NOL4: variants seen among roughly 807,000 people sequenced by gnomAD.
NOL4 encodes the protein cancer/testis antigen 125.
Under a neutral mutation model 75.9 loss-of-function variants are expected in NOL4, and 17 were observed. The observed-to-expected ratio is 0.22, with a 90% CI of 0.15 to 0.34. NOL4 has a LOEUF of 0.34. NOL4 is among the 10% of genes least tolerant of loss of function. The probability of loss-of-function intolerance (pLI) is 1.00; values close to 1 mark genes in which losing one functional copy is unlikely to be tolerated. For missense variants in NOL4, 614 were observed against 793.5 expected (o/e 0.77, Z 2.72); for synonymous variants, 292 against 289.9 (o/e 1.01, Z -0.07).
intron 10 of NOL4, among the ~76,000 whole-genome samples, chr18:33,854,984 T>TACAA (rs2062776200): frequency 6.6e-6 from 1 of 152,038 alleles, no homozygotes; most frequent in Non-Finnish European, 1.5e-5. Flanking sequence ...AGCACAGGCA[T>TACAA]AGTCTAGAGA....
chr18:34,072,420 A>G (rs1278899700), intron 5 of NOL4, among the ~76,000 whole-genome samples: 1 of 123,628 alleles, frequency 8.1e-6, no homozygotes, highest in East Asian at 2.7e-4. Flanking sequence ...TTAAATGTGT[A>G]TATTATTAAT....
chr18:33,881,130 G>A (rs1165153626), intron 10 of NOL4, among the ~76,000 whole-genome samples: 8 of 151,528 alleles, frequency 5.3e-5, no homozygotes, highest in African/African-American at 1.7e-4. Flanking sequence ...TGAAGCAATT[G>A]TGAATGGGAG....
chr18:34,066,299 T>C (rs2077272936), intron 5 of NOL4, among the ~76,000 whole-genome samples: 1 of 151,986 alleles, frequency 6.6e-6, no homozygotes, highest in African/African-American at 2.4e-5. Context: ...ATCAAACAAC[T>C]CTCAAGAGAT....
chr18:33,943,181 A>T lies in NOL4; in HGVS notation c.1429-3T>A. The T allele has an allele frequency of 1.5e-6, 1 of 657,434 alleles. No individual in the cohort carries two copies. 40.7% of individuals were successfully genotyped at this position (657,434 alleles called of 1,614,324 possible). A position where few individuals can be genotyped will look rare whatever the true frequency, so the allele number is the denominator to read the frequency against. The stretch of plus-strand genomic sequence containing the variant: ...AGGTGGGAAGGAATAGGTCGAGACT[A>T]AAAAAAAAAAGAGAAAAGTATGAAA... On this transcript the variant is annotated splice_polypyrimidine_tract_variant and splice_region_variant and intron_variant, in intron 8 of 10. Transcript: ENST00000261592.
intron 5 of NOL4, among the ~76,000 whole-genome samples, chr18:34,024,051 CTGTG>C (rs1346340885): frequency 6.6e-6 from 1 of 150,894 alleles, no homozygotes; most frequent in African/African-American, 2.4e-5. Context: ...ATATGTGTAC[CTGTG>C]TGTGTATTTA....
chr18:33,862,037 A>G (rs1460769848), intron 10 of NOL4, among the ~76,000 whole-genome samples: 1 of 152,194 alleles, frequency 6.6e-6, no homozygotes, highest in Non-Finnish European at 1.5e-5. Flanking sequence ...AGGCTACAGT[A>G]ACCAAAACAG....
rs571410657 is a variant in NOL4 at position 34,188,463 on chromosome 18, A to G, written c.264+34527T>C. Among the ~76,000 whole-genome samples, 4 of 152,360 alleles carry G rather than the reference A, an allele frequency of 2.6e-5. No individual in the cohort carries two copies. In the East Asian group the frequency reaches 7.7e-4, roughly 29 times the overall value. On this transcript the variant is annotated intron_variant, in intron 1 of 10. Coordinates refer to ENST00000261592, the MANE Select transcript of NOL4 (RefSeq NM_003787.5). ...AGTTGAAAATATTATAGCAGACAAT[A>G]CAGTATTTAATACAGTACACCTAAC... is the stretch of plus-strand genomic sequence containing the variant.
At chr18:34,051,358 T>C (rs2076617156) in intron 5 of NOL4, among the ~76,000 whole-genome samples, 1 of 152,128 alleles carries the variant, frequency 6.6e-6, no homozygotes, top group African/African-American at 2.4e-5. Flanking sequence ...TTATTATTGG[T>C]TTATAAAATT....
chr18:34,185,207 G>A (rs902378847), intron 1 of NOL4, among the ~76,000 whole-genome samples: 27 of 152,174 alleles, frequency 1.8e-4, no homozygotes, highest in Middle Eastern at 3.2e-3. Flanking sequence ...CTGAGATTGT[G>A]CCCTACTTGC....
At chr18:34,103,999 C>A in intron 4 of NOL4, 48 bp downstream of exon 4, 1 of 1,277,570 alleles carries the variant, frequency 7.8e-7, no homozygotes, top group South Asian at 1.2e-5. Context: ...GGTTATCAAG[C>A]TTCGTTCCAA....
At chr18:34,081,752 A>G (rs1223293367) in intron 5 of NOL4, among the ~76,000 whole-genome samples, 1 of 152,194 alleles carries the variant, frequency 6.6e-6, no homozygotes, top group African/African-American at 2.4e-5. Flanking sequence ...GGGCAGCCAC[A>G]TTTTCCTATT....
chr18:33,905,262 G>A (rs1292270430), intron 9 of NOL4, among the ~76,000 whole-genome samples: 1 of 152,106 alleles, frequency 6.6e-6, no homozygotes, highest in Non-Finnish European at 1.5e-5. Context: ...TTTTGACCAG[G>A]AGGGGTCTTC....
chr18:33,906,323 TC>T lies in NOL4; in HGVS notation c.1543-22900del, dbSNP rs2066043673. On this transcript the variant is annotated intron_variant, in intron 9 of 10. Transcript: ENST00000261592. ...CTCTGGACTCCAACCCTTTCTTTTTTCCCCTTCCCTTAACATAAAACCAACC... is the reference window on the plus strand; with the variant it reads ...CTCTGGACTCCAACCCTTTCTTTTTTCCCTTCCCTTAACATAAAACCAACC... 2.0e-5 allele frequency among the ~76,000 whole-genome samples: 3 copies of T among 152,124 alleles called. No homozygotes were observed. In the South Asian group the frequency reaches 6.2e-4, roughly 32 times the overall value.
intron 6 of NOL4, among the ~76,000 whole-genome samples, chr18:33,966,773 A>G (rs147947407): frequency 7.4e-4 from 112 of 152,236 alleles, no homozygotes; most frequent in African/African-American, 2.6e-3. Flanking sequence ...TAGAATATAT[A>G]CAACCAATGA....
chr18:34,117,300 T>C (rs2079906461), intron 2 of NOL4, among the ~76,000 whole-genome samples: 1 of 152,212 alleles, frequency 6.6e-6, no homozygotes, highest in African/African-American at 2.4e-5. Flanking sequence ...AGGACTCACC[T>C]GCTATTGTGG....
intron 6 of NOL4, among the ~76,000 whole-genome samples, chr18:34,017,421 AC>A (rs2074762576): frequency 6.6e-6 from 1 of 152,054 alleles, no homozygotes; most frequent in Non-Finnish European, 1.5e-5. Flanking sequence ...TGAAATGATT[AC>A]TCCAGGTAAG....
At chr18:33,989,642 C>T (rs187469174) in intron 6 of NOL4, among the ~76,000 whole-genome samples, 44 of 152,042 alleles carry the variant, frequency 2.9e-4, no homozygotes, top group African/African-American at 9.9e-4. Flanking sequence ...TTATAGAGCA[C>T]GAAGCAGGTT....
chr18:33,995,728 G>C (rs2073234452), intron 6 of NOL4, among the ~76,000 whole-genome samples: 1 of 151,620 alleles, frequency 6.6e-6, no homozygotes, highest in South Asian at 2.1e-4. Flanking sequence ...ACATATTTTT[G>C]AGTTTGCAAA....
chr18:34,131,937 C>A lies in NOL4; in HGVS notation c.265-1917G>T, dbSNP rs2080671604. On this transcript the variant is annotated intron_variant, in intron 1 of 10. Coordinates refer to ENST00000261592, the MANE Select transcript of NOL4 (RefSeq NM_003787.5). The stretch of plus-strand genomic sequence containing the variant: ...GTAGTATATTAATTTCTTATGGATT[C>A]TCTAACAACTTACTACAAAATGAGT... 2.0e-5 allele frequency among the ~76,000 whole-genome samples: 3 copies of A among 152,110 alleles called. No individual in the cohort carries two copies. The South Asian group carries it at 6.2e-4, about 32-fold the overall frequency.
Sources: gnomAD v4.1 joint callset for allele counts (sites outside exome capture counted in the v4.1 genomes callset) on GRCh38, gnomAD v4.1.1 for gene constraint, MANE v1.5 for transcripts, NCBI Gene and HGNC (gene_info 2026-07-23, HGNC 2026-07-21) for gene names.